PPP1CC: variants seen among roughly 807,000 people sequenced by gnomAD.
PPP1CC encodes the protein protein phosphatase 1 catalytic subunit gamma.
Under a neutral mutation model 38.4 loss-of-function variants are expected in PPP1CC, and 16 were observed. The ratio of observed to expected loss-of-function variants is 0.42; its 90% CI spans 0.28 to 0.63. PPP1CC has a LOEUF of 0.63. Among genes scored for constraint, PPP1CC ranks in the 30% least tolerant of loss-of-function variants. The pLI, the probability that PPP1CC is intolerant of heterozygous loss-of-function variation, is 0.25. For synonymous variants in PPP1CC, 158 were observed against 136.0 expected, an observed-to-expected ratio of 1.16 and a Z score of -1.13; for missense variants, 170 against 391.3, an observed-to-expected ratio of 0.43 and a Z score of 4.77.
chr12:110,711,330 CTT>C, the PPP1CC span, among the ~76,000 whole-genome samples: 76 of 150,832 alleles, frequency 5.0e-4, no homozygotes, highest in Middle Eastern at 3.4e-3. Context: ...AGGAAGATCT[CTT>C]GAGGCCAGGA....
chr12:110,742,070 G>A (rs2070023275), intron 1 of PPP1CC, among the ~76,000 whole-genome samples: 1 of 151,994 alleles, frequency 6.6e-6, no homozygotes, highest in Non-Finnish European at 1.5e-5. Context: ...GATTTGGAGG[G>A]CAGGCGAAGA....
At position 110,722,198 on chromosome 12, in the gene PPP1CC, G is replaced by A. The variant is rs1973505; in HGVS notation, c.819C>T (p.Cys273=). The A allele has an allele frequency of 0.15, 243,462 of 1,613,756 alleles. 23,905 individuals carry two copies. The highest frequency in any genetic ancestry group is 0.5 in the African/African-American group (37,501 of 74,906). Residue 273 remains cysteine (C), a synonymous_variant, in exon 6 of 7, where the codon TGC becomes TGT. Transcript: ENST00000335007. This position sits in a 1 kb window ranked among gnomAD's most constrained non-coding sequence, Gnocchi z 5.4. ...LVTLFSAPNY[C]GEFDNAGAMM... ...TGGCACCTGCATTGTCAAACTCTCC[G>A]CAATAATTGGGCGCAGAAAACAGAG...
At chr12:110,727,257 T>A (rs2069810021) in intron 3 of PPP1CC, among the ~76,000 whole-genome samples, 2 of 152,194 alleles carry the variant, frequency 1.3e-5, no homozygotes, top group South Asian at 4.1e-4. Flanking sequence ...CGGCTTTGAT[T>A]CTTTAGTTAT....
At chr12:110,723,909 G>A (rs987585155) in intron 4 of PPP1CC, among the ~76,000 whole-genome samples, 9 of 152,098 alleles carry the variant, frequency 5.9e-5, no homozygotes, top group African/African-American at 2.2e-4. Context: ...GAGGATCTCT[G>A]GCACAACAAA....
intron 1 of PPP1CC, among the ~76,000 whole-genome samples, chr12:110,737,371 A>G (rs551953966): frequency 3.0e-4 from 46 of 151,326 alleles, no homozygotes; most frequent in African/African-American, 1.1e-3. Flanking sequence ...CCAGCTACTC[A>G]ACAACTGAGG....
At chr12:110,728,150 A>G (rs2069824409) in intron 3 of PPP1CC, among the ~76,000 whole-genome samples, 1 of 152,220 alleles carries the variant, frequency 6.6e-6, no homozygotes, top group Admixed American at 6.5e-5. Context: ...CTGTAATCCC[A>G]GCACTTTGGG....
downstream of PPP1CC, among the ~76,000 whole-genome samples, chr12:110,718,138 T>C (rs1238994223): frequency 6.6e-6 from 1 of 152,182 alleles, no homozygotes. Flanking sequence ...ATGTGTATGT[T>C]ACTCGAGAAC....
Position 110,721,083 on chromosome 12 carries a change from TTTGC to T in PPP1CC, c.961_964del (p.Ala321ArgfsTer10). On this transcript the variant is annotated frameshift_variant, in exon 7 of 7. Transcript: ENST00000335007. LOFTEE classifies it high-confidence loss of function. ...GCAGTGTCAAAACGACATCTATTTCTTTGCTTGCTTTGTGATCATACCCCTTGGA... is the reference window on the plus strand; with the variant it reads ...GCAGTGTCAAAACGACATCTATTTCTTTGCTTTGTGATCATACCCCTTGGA... 6.2e-7 allele frequency: 1 copy of T among 1,613,810 alleles called. No individual in the cohort carries two copies. Among genetic ancestry groups the T allele is most frequent in the Non-Finnish European group, 8.5e-7 (1 of 1,179,704 alleles).
chr12:110,742,417 G>T (rs979209055), intron 1 of PPP1CC, among the ~76,000 whole-genome samples: 4 of 152,172 alleles, frequency 2.6e-5, no homozygotes, highest in Admixed American at 1.3e-4. Context: ...GAGGAAGCCT[G>T]CATCCTCGTG....
rs2069722730 is a variant in PPP1CC, at chr12:110,720,215, ATTAC to A, written c.*857_*860del. The A allele has an allele frequency of 2.6e-6, 4 of 1,541,002 alleles. No homozygotes were observed. The highest frequency in any genetic ancestry group is 1.4e-5 in the African/African-American group (1 of 73,478). On this transcript the variant is annotated 3_prime_UTR_variant, in exon 7 of 7. Coordinates refer to ENST00000335007, the MANE Select transcript of PPP1CC (RefSeq NM_002710.4). ...TCAGGCCTGATGCAACTGTAAAAAG[ATTAC>A]TTAATGAATAGACTATATGGAAATT...
chr12:110,740,812 C>A (rs1208535736), intron 1 of PPP1CC, among the ~76,000 whole-genome samples: 1 of 152,136 alleles, frequency 6.6e-6, no homozygotes, highest in Non-Finnish European at 1.5e-5. Context: ...TATGGGCAAA[C>A]CAGAACTTAA....
In PPP1CC at chr12:110,722,446, G is replaced by A; in HGVS notation, c.747+26C>T. 6.2e-7 allele frequency: 1 copy of A among 1,604,418 alleles called. No homozygotes were observed. The highest frequency in any genetic ancestry group is 8.5e-7 in the Non-Finnish European group (1 of 1,171,202). ...TGTGCTCACACACATGCTCTTAAGT[G>A]TACATGTAAAATTCAAAATCAATAC... On this transcript the variant is annotated intron_variant, in intron 5 of 6. Coordinates refer to ENST00000335007, the MANE Select transcript of PPP1CC (RefSeq NM_002710.4). The surrounding 1 kb of genome is among the most constrained non-coding windows in gnomAD (Gnocchi z 5.4).
chr12:110,717,607 AG>A (rs1213504131), downstream of PPP1CC, among the ~76,000 whole-genome samples: 1 of 152,012 alleles, frequency 6.6e-6, no homozygotes, highest in Non-Finnish European at 1.5e-5. Context: ...CGTGTTAGCC[AG>A]GATGGTCTCG....
At chr12:110,709,775 G>C in the PPP1CC span, among the ~76,000 whole-genome samples, 1 of 151,308 alleles carries the variant, frequency 6.6e-6, no homozygotes, top group Non-Finnish European at 1.5e-5. Context: ...TTGAACTCCT[G>C]ACCTCAAGTG....
intron 3 of PPP1CC, chr12:110,726,493 C>G (rs1481911738): frequency 6.6e-6 from 1 of 152,132 alleles, no homozygotes; most frequent in African/African-American, 2.4e-5. Flanking sequence ...TGCAGTAAGC[C>G]AAGATCGCAC....
Position 110,721,070 on chromosome 12 carries a change from C to T in PPP1CC, c.*6G>A, listed in dbSNP as rs758564150. ...AAGTCCCGACTAGGCAGTGTCAAAA[C>T]GACATCTATTTCTTTGCTTGCTTTG... On this transcript the variant is annotated 3_prime_UTR_variant, in exon 7 of 7. Coordinates refer to ENST00000335007, the MANE Select transcript of PPP1CC (RefSeq NM_002710.4). The T allele has an allele frequency of 6.2e-6, 10 of 1,613,162 alleles. 1 individual carries two copies. The South Asian group carries it at 6.6e-5, about 11-fold the overall frequency.
chr12:110,742,615 GC>G, intron 1 of PPP1CC, 37 bp downstream of exon 1: 1 of 1,404,480 alleles, frequency 7.1e-7, no homozygotes. Flanking sequence ...CCGCCCTCAG[GC>G]CCGCCTCCCC....
At chr12:110,711,312 C>T in the PPP1CC span, among the ~76,000 whole-genome samples, 226 of 151,784 alleles carry the variant, frequency 1.5e-3, 2 homozygotes, top group African/African-American at 5.1e-3. Flanking sequence ...TACTTGGGAG[C>T]CCGAGGCAGG....
downstream of PPP1CC, among the ~76,000 whole-genome samples, chr12:110,717,376 A>G (rs1001333038): frequency 6.6e-6 from 1 of 152,102 alleles, no homozygotes; most frequent in Non-Finnish European, 1.5e-5. Flanking sequence ...TCAAGATAGG[A>G]AAATGGAGAC....
Sources: gnomAD v4.1 joint callset for allele counts (sites outside exome capture counted in the v4.1 genomes callset) on GRCh38, gnomAD v4.1.1 for gene constraint, Gnocchi (gnomAD v3.1) non-coding constraint, MANE v1.5 for transcripts, NCBI Gene and HGNC (gene_info 2026-07-23, HGNC 2026-07-21) for gene names.